Variants in MAST4 observed in about 807,000 individuals in gnomAD.
MAST4 encodes microtubule associated serine/threonine kinase family member 4.
Under a neutral mutation model 162.7 loss-of-function variants are expected in MAST4, and 89 were observed. That is an observed-to-expected ratio of 0.55 (90% confidence interval 0.46 to 0.65). The LOEUF is 0.65. Ranked by LOEUF, MAST4 falls within the 30% of genes least tolerant of loss-of-function variation. The pLI is 0.00. For synonymous variants in MAST4, 1,479 were observed against 1,361.1 expected, an observed-to-expected ratio of 1.09 and a Z score of -1.91; for missense variants, 3,153 against 3,374.0, an observed-to-expected ratio of 0.93 and a Z score of 1.62.
At chr5:66,598,465 C>G (rs1425620448) in intron 1 of MAST4, among the ~76,000 whole-genome samples, 1 of 152,214 alleles carries the variant, frequency 6.6e-6, no homozygotes, top group Non-Finnish European at 1.5e-5. Flanking sequence ...CCAAATCGAT[C>G]CTAGCGGCGG....
At chr5:66,645,332 T>C (rs966624031) in intron 1 of MAST4, among the ~76,000 whole-genome samples, 12 of 152,218 alleles carry the variant, frequency 7.9e-5, no homozygotes, top group Non-Finnish European at 1.5e-4. Context: ...TATAGACAGT[T>C]ATCTAAAACG....
chr5:67,002,834 T>C (rs1363932), intron 4 of MAST4, among the ~76,000 whole-genome samples: 5,147 of 151,936 alleles, frequency 0.034, 262 homozygotes, highest in African/African-American at 0.11. Flanking sequence ...ACCAGTGCTC[T>C]GTATCACCCC....
At chr5:66,996,746 A>G (rs554359021) in intron 4 of MAST4, among the ~76,000 whole-genome samples, 49 of 152,320 alleles carry the variant, frequency 3.2e-4, no homozygotes, top group African/African-American at 1.1e-3. Context: ...GCCTTCTTCA[A>G]GTATCCCTCT....
At chr5:66,675,381 AC>A (rs1440709195) in intron 1 of MAST4, among the ~76,000 whole-genome samples, 1 of 152,182 alleles carries the variant, frequency 6.6e-6, no homozygotes, top group Non-Finnish European at 1.5e-5. Context: ...AGAGATTGCC[AC>A]TGGAAACCAG....
intron 4 of MAST4, among the ~76,000 whole-genome samples, chr5:67,037,268 C>T (rs1039368763): frequency 6.6e-6 from 1 of 152,016 alleles, no homozygotes; most frequent in Non-Finnish European, 1.5e-5. Context: ...AGTGGCTAAG[C>T]AGAGAGGTGA....
At position 66,616,853 on chromosome 5, in the gene MAST4, A is replaced by T. The variant is rs140242313; in HGVS notation, c.363+19835A>T. ...ACTGCCCCTTTCTTTCCTTTTACTG[A>T]TAAGTTTCCCTGACAGCACTGCTTG... On this transcript the variant is annotated intron_variant, in intron 1 of 28. Coordinates refer to ENST00000403625, the MANE Select transcript of MAST4 (RefSeq NM_001164664.2). 1.8e-4 allele frequency among the ~76,000 whole-genome samples: 27 copies of T among 152,302 alleles called. No homozygotes were observed. The East Asian group carries it at 5.2e-3, about 29-fold the overall frequency.
chr5:66,954,023 C>T (rs753892873), intron 4 of MAST4, among the ~76,000 whole-genome samples: 1 of 152,122 alleles, frequency 6.6e-6, no homozygotes, highest in Non-Finnish European at 1.5e-5. Context: ...TTTGTTTAAA[C>T]CCCATATTTC....
intron 3 of MAST4, among the ~76,000 whole-genome samples, chr5:66,804,855 A>G (rs1475330788): frequency 6.6e-6 from 1 of 152,156 alleles, no homozygotes; most frequent in East Asian, 1.9e-4. Flanking sequence ...TTGGTATTTT[A>G]TGACTTCATG....
At chr5:66,912,328 T>G (rs1270500440) in intron 4 of MAST4, among the ~76,000 whole-genome samples, 1 of 152,214 alleles carries the variant, frequency 6.6e-6, no homozygotes, top group African/African-American at 2.4e-5. Context: ...CCAGGGGGTT[T>G]GTATTTAAGC....
At chr5:67,133,482 A>G in intron 16 of MAST4, 32 bp from the exon 17 acceptor site, 1 of 1,608,670 alleles carries the variant, frequency 6.2e-7, no homozygotes, top group South Asian at 1.1e-5. Flanking sequence ...TTATAAAGTG[A>G]TTATTGTGTT....
At position 66,960,498 on chromosome 5, in the gene MAST4, A is replaced by C. The variant is rs569473152; in HGVS notation, c.674+60516A>C. On this transcript the variant is annotated intron_variant, in intron 4 of 28. Transcript: ENST00000403625. ...CATCTCCACCCCCACCCTAACATTC[A>C]ACTCTCACCATCTGTGTGGAATATT... 7.9e-5 allele frequency among the ~76,000 whole-genome samples: 12 copies of C among 151,410 alleles called. No homozygotes were observed. The East Asian group carries it at 2.3e-3, about 29-fold the overall frequency.
rs1463618967 is a variant in MAST4, at chr5:67,163,438, C to T, written c.4259C>T (p.Pro1420Leu). The change falls in exon 29 of 29, where the codon CCG (proline) becomes CTG (leucine). Residue 1420 changes from proline (P) to leucine (L), a missense_variant. Coordinates refer to ENST00000403625, the MANE Select transcript of MAST4 (RefSeq NM_001164664.2). This position sits in a 1 kb window ranked among gnomAD's most constrained non-coding sequence, Gnocchi z 7.0. ...GCCTTTCCCAGCAAGATGCACTCCCCGCCCACCATCGTCAGACACATCGTG... is the reference window on the plus strand; with the variant it reads ...GCCTTTCCCAGCAAGATGCACTCCCTGCCCACCATCGTCAGACACATCGTG... ...AQAFPSKMHS[P>L]PTIVRHIVRP... is the part of the protein sequence containing the mutation. 6.2e-7 allele frequency: 1 copy of T among 1,613,324 alleles called. No homozygotes were observed. Among genetic ancestry groups the T allele is most frequent in the Non-Finnish European group, 8.5e-7 (1 of 1,179,878 alleles).
At position 67,081,100 on chromosome 5, in the gene MAST4, TG is replaced by T. The variant is rs1224936172; in HGVS notation, c.764-9061del. ...TTGTATATATTATATAATATATAAT[TG>T]TATATATTATATATTTTTTTTTAAC... On this transcript the variant is annotated intron_variant, in intron 5 of 28. Transcript: ENST00000403625. Among the ~76,000 whole-genome samples the T allele has an allele frequency of 5.3e-5, 6 of 113,366 alleles. No homozygotes were observed. In the East Asian group the frequency reaches 1.4e-3, roughly 26 times the overall value. 74.4% of individuals were successfully genotyped at this position (113,366 alleles called of 152,430 possible).
At chr5:67,116,536 A>G (rs756316325) in intron 12 of MAST4, among the ~76,000 whole-genome samples, 19 of 151,752 alleles carry the variant, frequency 1.3e-4, no homozygotes, top group Non-Finnish European at 2.6e-4. Flanking sequence ...ATTTGTTAAC[A>G]TTTGAAATAT....
intron 4 of MAST4, among the ~76,000 whole-genome samples, chr5:66,930,503 C>G (rs1295889643): frequency 2.0e-5 from 3 of 151,948 alleles, no homozygotes; most frequent in Non-Finnish European, 4.4e-5. Flanking sequence ...TGTATTTGGT[C>G]CAGTGGTGTG....
rs149448642 is a variant in MAST4, at chr5:66,665,367, A to G, written c.363+68349A>G. On this transcript the variant is annotated intron_variant, in intron 1 of 28. Transcript: ENST00000403625. The stretch of plus-strand genomic sequence containing the variant: ...TAACAATGGCTGGGATCCAGTGGCA[A>G]GAACAAGATGAACATTTCTTCATGA... 6.3e-3 allele frequency among the ~76,000 whole-genome samples: 952 copies of G among 152,316 alleles called. 1 individual carries two copies. Among genetic ancestry groups the G allele is most frequent in the South Asian group, 0.014 (67 of 4,822 alleles).
At chr5:67,053,493 T>C (rs1175762511) in intron 4 of MAST4, among the ~76,000 whole-genome samples, 1 of 152,176 alleles carries the variant, frequency 6.6e-6, no homozygotes, top group African/African-American at 2.4e-5. Flanking sequence ...GTGAATTAAA[T>C]GAGGTAACTT....
At chr5:66,900,046 T>G in intron 4 of MAST4, 64 bp downstream of exon 4, 1 of 1,119,180 alleles carries the variant, frequency 8.9e-7, no homozygotes, top group Non-Finnish European at 1.2e-6. Context: ...AGTATGATTC[T>G]TCTCTGATTC....
At chr5:66,767,381 G>T (rs1175713148) in intron 2 of MAST4, among the ~76,000 whole-genome samples, 2 of 152,038 alleles carry the variant, frequency 1.3e-5, no homozygotes, top group African/African-American at 2.4e-5. Context: ...TGAAATGCCC[G>T]ATAAGACATG....
Sources: allele counts gnomAD v4.1 joint callset (sites outside exome capture counted in the v4.1 genomes callset), GRCh38; gene constraint gnomAD v4.1.1; non-coding constraint Gnocchi (gnomAD v3.1); transcripts MANE v1.5; gene names NCBI Gene and HGNC (gene_info 2026-07-23, HGNC 2026-07-21).